AUTS2: variants seen among roughly 807,000 people sequenced by gnomAD.
The protein encoded by AUTS2 is activator of transcription and developmental regulator AUTS2.
AUTS2 carries 17 observed loss-of-function variants against 112.4 expected under a neutral mutation model. The ratio of observed to expected loss-of-function variants is 0.15; its 90% CI spans 0.10 to 0.23. The LOEUF is 0.23. Ranked by LOEUF, AUTS2 falls within the 10% of genes least tolerant of loss-of-function variation. The pLI is 1.00. For synonymous variants in AUTS2, 751 were observed against 702.7 expected, an observed-to-expected ratio of 1.07 and a Z score of -1.09; for missense variants, 1,510 against 1,701.6, an observed-to-expected ratio of 0.89 and a Z score of 1.98.
chr7:70,623,943 G>A (rs1804808263), intron 5 of AUTS2, among the ~76,000 whole-genome samples: 1 of 152,226 alleles, frequency 6.6e-6, no homozygotes, highest in Admixed American at 6.5e-5. Flanking sequence ...GAAAAGTGAT[G>A]TTCCCTCAAG....
chr7:70,285,469 A>G (rs1788414624), intron 4 of AUTS2, among the ~76,000 whole-genome samples: 2 of 152,178 alleles, frequency 1.3e-5, no homozygotes, highest in East Asian at 1.9e-4. Flanking sequence ...TAGGCCTGCT[A>G]TTTACTAGCA....
At chr7:70,100,586 A>G (rs151106904) in intron 2 of AUTS2, among the ~76,000 whole-genome samples, 53 of 116,170 alleles carry the variant, frequency 4.6e-4, no homozygotes, top group African/African-American at 1.7e-3. Flanking sequence ...CCAGCCCCCC[A>G]CCCCACAATA....
intron 4 of AUTS2, among the ~76,000 whole-genome samples, chr7:70,336,889 T>C (rs1791014169): frequency 6.6e-6 from 1 of 152,224 alleles, no homozygotes; most frequent in Non-Finnish European, 1.5e-5. Context: ...ACTTCTCCTT[T>C]AGAAGCTTAC....
chr7:69,640,496 G>T (rs1794755276), intron 1 of AUTS2, among the ~76,000 whole-genome samples: 1 of 152,188 alleles, frequency 6.6e-6, no homozygotes, highest in African/African-American at 2.4e-5. Flanking sequence ...TCTTCAACCC[G>T]TAAATGCTGC....
intron 4 of AUTS2, among the ~76,000 whole-genome samples, chr7:70,158,753 C>T (rs564329706): frequency 5.3e-5 from 8 of 151,952 alleles, no homozygotes; most frequent in Admixed American, 2.0e-4. Flanking sequence ...AAAAAAAATG[C>T]GGTTATTAGG....
intron 1 of AUTS2, among the ~76,000 whole-genome samples, chr7:69,734,109 C>T (rs148533361): frequency 1.6e-4 from 25 of 152,206 alleles, no homozygotes; most frequent in Admixed American, 4.6e-4. Flanking sequence ...ACTCTGAATC[C>T]GTCTTTGTCT....
At chr7:70,137,032 G>T (rs753490867) in intron 4 of AUTS2, among the ~76,000 whole-genome samples, 5 of 152,160 alleles carry the variant, frequency 3.3e-5, no homozygotes, top group Non-Finnish European at 7.4e-5. Flanking sequence ...TCTTTTATCT[G>T]TAGTGATACA....
At chr7:69,673,338 T>G (rs780118192) in intron 1 of AUTS2, among the ~76,000 whole-genome samples, 30 of 152,170 alleles carry the variant, frequency 2.0e-4, no homozygotes, top group Non-Finnish European at 3.2e-4. Context: ...GGGATTGTAT[T>G]AAAGGGAGCC....
At chr7:69,813,855 C>T (rs1462653823) in intron 1 of AUTS2, among the ~76,000 whole-genome samples, 2 of 152,180 alleles carry the variant, frequency 1.3e-5, no homozygotes, top group Non-Finnish European at 2.9e-5. Flanking sequence ...GACTTAGACT[C>T]TGGGTGTGAA....
chr7:69,663,665 C>T lies in AUTS2; in HGVS notation c.309+63703C>T, dbSNP rs555133997. 5.9e-5 allele frequency among the ~76,000 whole-genome samples: 9 copies of T among 152,262 alleles called. No individual in the cohort carries two copies. The South Asian group carries it at 6.2e-4, about 11-fold the overall frequency. ...CTATAAAGCCTTGAGTATTCAGGTT[C>T]ATGGCAAGGTTTAGATGGATGGGGA... On this transcript the variant is annotated intron_variant, in intron 1 of 18. Coordinates refer to ENST00000342771, the MANE Select transcript of AUTS2 (RefSeq NM_015570.4).
intron 5 of AUTS2, among the ~76,000 whole-genome samples, chr7:70,540,483 G>A (rs1439272870): frequency 1.3e-5 from 2 of 152,154 alleles, no homozygotes; most frequent in African/African-American, 4.8e-5. Context: ...GCAGCCCGGG[G>A]GAAGCACACA....
chr7:70,646,053 G>A (rs1372055828), intron 5 of AUTS2, among the ~76,000 whole-genome samples: 1 of 152,154 alleles, frequency 6.6e-6, no homozygotes, highest in African/African-American at 2.4e-5. Flanking sequence ...GCAGGCTTTG[G>A]TTCTCTTTTC....
At chr7:70,203,091 AG>A (rs1269198015) in intron 4 of AUTS2, among the ~76,000 whole-genome samples, 1 of 146,638 alleles carries the variant, frequency 6.8e-6, no homozygotes, top group Non-Finnish European at 1.5e-5. Flanking sequence ...AACTATCGCA[AG>A]AACAAAAAAC....
intron 1 of AUTS2, among the ~76,000 whole-genome samples, chr7:69,888,075 C>T (rs2129538570): frequency 6.6e-6 from 1 of 152,082 alleles, no homozygotes; most frequent in South Asian, 2.1e-4. Context: ...CTTGGGGAGG[C>T]CAAGGCGGGA....
intron 2 of AUTS2, among the ~76,000 whole-genome samples, chr7:69,902,972 A>C (rs142398270): frequency 1.3e-4 from 20 of 152,354 alleles, no homozygotes; most frequent in Non-Finnish European, 2.4e-4. Context: ...AAAATTATGA[A>C]GAAATCAATA....
chr7:70,475,880 T>C (rs1797563288), intron 5 of AUTS2, among the ~76,000 whole-genome samples: 1 of 151,976 alleles, frequency 6.6e-6, no homozygotes, highest in African/African-American at 2.4e-5. Flanking sequence ...TACAAAAAAC[T>C]TTCCCAGGTA....
intron 5 of AUTS2, among the ~76,000 whole-genome samples, chr7:70,660,521 AG>A (rs1334832517): frequency 1.3e-5 from 2 of 152,334 alleles, no homozygotes; most frequent in African/African-American, 4.8e-5. Context: ...GCAGATGGCA[AG>A]ACCTGGTTCA....
intron 4 of AUTS2, among the ~76,000 whole-genome samples, chr7:70,170,595 C>CT (rs398005103): frequency 0.088 from 11,136 of 126,940 alleles, 680 homozygotes; most frequent in African/African-American, 0.12. Context: ...GACACGTTAT[C>CT]TTTTTTTTTT....
rs150125185 is a variant in AUTS2 at position 69,900,679 on chromosome 7, G to C, written c.522+1181G>C. Among the ~76,000 whole-genome samples, 390 of 152,248 alleles carry C rather than the reference G, an allele frequency of 2.6e-3. 2 individuals are homozygous for C. Among genetic ancestry groups the C allele is most frequent in the African/African-American group, 8.9e-3 (368 of 41,540 alleles). On this transcript the variant is annotated intron_variant, in intron 2 of 18. Transcript: ENST00000342771. Reference sequence around the variant, plus strand: ...CAAAAGCCTCAATATGATGTAGTGGGCAGTTTGGTGTCAGAATTCTGCCTT... The same window carrying C: ...CAAAAGCCTCAATATGATGTAGTGGCCAGTTTGGTGTCAGAATTCTGCCTT...
Sources: gnomAD v4.1 joint callset for allele counts (sites outside exome capture counted in the v4.1 genomes callset) on GRCh38, gnomAD v4.1.1 for gene constraint, MANE v1.5 for transcripts, NCBI Gene and HGNC (gene_info 2026-07-23, HGNC 2026-07-21) for gene names.